The following NBPF6 variants were observed in gnomAD, a reference collection of about 807,000 sequenced individuals.
The protein encoded by NBPF6 is NBPF member 6.
In NBPF6, 2 loss-of-function variants were observed where a neutral mutation model predicts 20.8. That is an observed-to-expected ratio of 0.10 (90% CI 0.04 to 0.30). The LOEUF (loss-of-function observed/expected upper bound fraction) is 0.30. Among genes scored for constraint, NBPF6 ranks in the 10% least tolerant of loss-of-function variants. NBPF6 has a pLI of 1.00. For synonymous variants in NBPF6, 24 were observed against 100.0 expected (o/e 0.24, Z 4.53); for missense variants, 85 against 260.3 (o/e 0.33, Z 4.63).
Position 108,470,841 on chromosome 1 carries a change from A to G in NBPF6, c.*203A>G, listed in dbSNP as rs1184269314. On this transcript the variant is annotated 3_prime_UTR_variant, in exon 15 of 15. Transcript: ENST00000495380. ...CCCCCTCCAATTGTGATCAACACCT[A>G]GGGAGACCAATGCCCAGATGGACAA... 5 of 441,598 alleles carry G rather than the reference A, an allele frequency of 1.1e-5. No homozygotes were observed. Among genetic ancestry groups the G allele is most frequent in the African/African-American group, 1.0e-4 (5 of 48,372 alleles). The allele number at this position is 441,598 out of a possible 1,614,324, so 27.4% of individuals were successfully genotyped here. A position where few individuals can be genotyped will look rare whatever the true frequency, so the allele number is the denominator to read the frequency against.
chr1:108,471,886 TA>T lies in NBPF6; in HGVS notation c.*1253del, dbSNP rs1187878593. Among the ~76,000 whole-genome samples the T allele has an allele frequency of 6.6e-6, 1 of 152,316 alleles. No individual in the cohort carries two copies. The highest frequency in any genetic ancestry group is 1.9e-4 in the East Asian group (1 of 5,196). On this transcript the variant is annotated 3_prime_UTR_variant, in exon 15 of 15. Coordinates refer to ENST00000495380, the MANE Select transcript of NBPF6 (RefSeq NM_001143988.2). ...TTTCATGGATAAGAATATAGATTAA[TA>T]AAAACATTCTTATTTACCTGTTTAT...
chr1:108,468,313 C>T (rs1322471537), intron 14 of NBPF6, among the ~76,000 whole-genome samples: 1 of 144,520 alleles, frequency 6.9e-6, no homozygotes. Context: ...GCCAGGGTCT[C>T]AGTGTTCTCA....
chr1:108,470,100 C>T (rs1393904967), intron 14 of NBPF6, among the ~76,000 whole-genome samples: 25 of 84,152 alleles, frequency 3.0e-4, no homozygotes, highest in African/African-American at 1.0e-3. Context: ...TGGACCTGGA[C>T]GTGGATGTTG....
At position 108,467,580 on chromosome 1, in the gene NBPF6, T is replaced by C. The variant is rs562156936; in HGVS notation, c.1790T>C (p.Ile597Thr). The C allele has an allele frequency of 7.4e-4, 1,146 of 1,550,034 alleles. 15 individuals carry two copies. The highest frequency in any genetic ancestry group is 7.3e-3 in the South Asian group (617 of 83,970). The change falls in exon 14 of 15, where the codon ATA (isoleucine) becomes ACA (threonine). Residue 597 changes from isoleucine to threonine, a missense_variant. Ile to Thr is a moderately conservative substitution (Grantham distance 89, BLOSUM62 -1). Around this residue, in one of 5 missense-constraint regions of NBPF6, gnomAD observed 11 missense variants for 40.9 expected, o/e 0.27. Transcript: ENST00000495380. ...CGGATTCGTGCCTCCCTTGTCCTGA[T>C]ACTGAAGACCATCAGAAGAAGACTC... ...TGRIRASLVLILKTIRRRLPF... is the reference protein window; with the variant it reads ...TGRIRASLVLTLKTIRRRLPF...
At chr1:108,453,006 GTGTA>G (rs1299652430) in intron 3 of NBPF6, among the ~76,000 whole-genome samples, 171 bp from the exon 4 acceptor site, 54 of 62,742 alleles carry the variant, frequency 8.6e-4, no homozygotes, top group African/African-American at 2.4e-3. Flanking sequence ...GTGTGTGTGT[GTGTA>G]TATATATATA....
At chr1:108,438,347 T>G in the NBPF6 span, among the ~76,000 whole-genome samples, 1 of 64,012 alleles carries the variant, frequency 1.6e-5, no homozygotes, top group South Asian at 4.5e-4. Flanking sequence ...ATAAAAAGAT[T>G]GAAGCAGTAA....
chr1:108,468,290 C>T lies in NBPF6; in HGVS notation c.1875+625C>T, dbSNP rs868412115. 1.8e-4 allele frequency among the ~76,000 whole-genome samples: 27 copies of T among 147,842 alleles called. 1 individual carries two copies. The highest frequency in any genetic ancestry group is 6.8e-4 in the African/African-American group (27 of 39,624). ...CCCCAGATGTGCAGCTTAGTGCCAA[C>T]GTGGATGGAGTTGCCAGGGTCTCAG... On this transcript the variant is annotated intron_variant, in intron 14 of 14. Coordinates refer to ENST00000495380, the MANE Select transcript of NBPF6 (RefSeq NM_001143988.2).
At chr1:108,468,200 A>C (rs1259827541) in intron 14 of NBPF6, among the ~76,000 whole-genome samples, 1 of 151,296 alleles carries the variant, frequency 6.6e-6, no homozygotes, top group Non-Finnish European at 1.5e-5. Flanking sequence ...CCCCTAGGAA[A>C]CTAAACTAGA....
At chr1:108,436,779 G>A in the NBPF6 span, among the ~76,000 whole-genome samples, 34 of 84,542 alleles carry the variant, frequency 4.0e-4, 8 homozygotes, top group Middle Eastern at 6.2e-3. Context: ...TTAACAAATG[G>A]GTATGACATC....
At chr1:108,437,763 G>A in the NBPF6 span, among the ~76,000 whole-genome samples, 1 of 38,568 alleles carries the variant, frequency 2.6e-5, no homozygotes, top group Non-Finnish European at 6.0e-5. Context: ...AGGAAGGAAG[G>A]AAGGGAGGGA....
At chr1:108,447,788 G>C (rs1368715608), upstream of NBPF6, among the ~76,000 whole-genome samples, 1 of 141,752 alleles carries the variant, frequency 7.1e-6, no homozygotes, top group Non-Finnish European at 1.6e-5. Context: ...GCAGGATCAC[G>C]GCCAGGTCAT....
intron 8 of NBPF6, 29 bp from the exon 9 acceptor site, chr1:108,459,029 T>G (rs1272682267): frequency 2.3e-6 from 1 of 429,014 alleles, no homozygotes; most frequent in Non-Finnish European, 4.3e-6. Flanking sequence ...CAGGTTCACC[T>G]GGCTGGTCTT....
At chr1:108,452,980 TTGTGTGTG>T (rs759252996) in intron 3 of NBPF6, among the ~76,000 whole-genome samples, 193 bp from the exon 4 acceptor site, 1 of 47,318 alleles carries the variant, frequency 2.1e-5, no homozygotes, top group African/African-American at 7.3e-5. Flanking sequence ...GTATGTTTGT[TTGTGTGTG>T]TGTGTGTGTG....
chr1:108,453,022 ATTC>A (rs1652935728), intron 3 of NBPF6, among the ~76,000 whole-genome samples, 156 bp from the exon 4 acceptor site: 1 of 59,526 alleles, frequency 1.7e-5, no homozygotes, highest in South Asian at 4.4e-4. Flanking sequence ...ATATATATAT[ATTC>A]TTCTTTCTCT....
chr1:108,465,480 G>A, intron 13 of NBPF6, 56 bp downstream of exon 13: 1 of 478,818 alleles, frequency 2.1e-6, no homozygotes, highest in Non-Finnish European at 3.7e-6. Context: ...GGTCACGACG[G>A]TGCTGTGGGT....
Position 108,467,432 on chromosome 1 carries a change from G to C in NBPF6, c.1661-19G>C. 7.5e-7 allele frequency: 1 copy of C among 1,326,078 alleles called. No individual in the cohort carries two copies. Among genetic ancestry groups the C allele is most frequent in the Non-Finnish European group, 1.1e-6 (1 of 943,530 alleles). The allele number at this position is 1,326,078 out of a possible 1,614,324, so 82.1% of individuals were successfully genotyped here. On this transcript the variant is annotated intron_variant, in intron 13 of 14. Transcript: ENST00000495380. ...TCATGGATGGCAGCGGATCCCATTG[G>C]CTGTGGTTTTCTTTTCAGAGCTGGT...
At chr1:108,468,141 A>G (rs951939370) in intron 14 of NBPF6, among the ~76,000 whole-genome samples, 28 of 151,398 alleles carry the variant, frequency 1.8e-4, no homozygotes, top group Admixed American at 1.3e-4. Flanking sequence ...ACTCTTAATC[A>G]TCACTTGTTC....
chr1:108,452,912 G>C (rs61797102), intron 3 of NBPF6, among the ~76,000 whole-genome samples: 48,505 of 68,278 alleles, frequency 0.71, 20,123 homozygotes, highest in East Asian at 1. Context: ...ACATCTGTGA[G>C]GATCTTACAG....
rs1419695338 is a variant in NBPF6 at position 108,471,750 on chromosome 1, A to C, written c.*1112A>C. On this transcript the variant is annotated 3_prime_UTR_variant, in exon 15 of 15. Coordinates refer to ENST00000495380, the MANE Select transcript of NBPF6 (RefSeq NM_001143988.2). ...CATCCAAAATTAATTTTAGTCCATT[A>C]AAGTTAAAATGTTAAAGTTTTAAAT... Among the ~76,000 whole-genome samples, 3 of 152,208 alleles carry C rather than the reference A, an allele frequency of 2.0e-5. No individual in the cohort carries two copies. The highest frequency in any genetic ancestry group is 7.2e-5 in the African/African-American group (3 of 41,444).
Sources: allele counts gnomAD v4.1 joint callset (sites outside exome capture counted in the v4.1 genomes callset), GRCh38; gene constraint gnomAD v4.1.1; regional missense constraint gnomAD v4.1.1; transcripts MANE v1.5; gene names NCBI Gene and HGNC (gene_info 2026-07-23, HGNC 2026-07-21).